TMTC2: variants seen among roughly 807,000 people sequenced by gnomAD.
TMTC2 encodes the protein transmembrane O-mannosyltransferase targeting cadherins 2.
TMTC2 carries 43 observed loss-of-function variants against 82.4 expected under a neutral mutation model. The ratio of observed to expected loss-of-function variants is 0.52; its 90% CI spans 0.41 to 0.67. The LOEUF is 0.67. Ranked by LOEUF, TMTC2 falls within the 30% of genes least tolerant of loss-of-function variation. The probability of loss-of-function intolerance (pLI) is 0.00; values close to 1 mark genes in which losing one functional copy is unlikely to be tolerated. For synonymous variants in TMTC2, 408 were observed against 381.9 expected, an observed-to-expected ratio of 1.07 and a Z score of -0.80; for missense variants, 919 against 1,012.4, an observed-to-expected ratio of 0.91 and a Z score of 1.25.
At chr12:82,877,146 T>C (rs1410325930) in intron 2 of TMTC2, among the ~76,000 whole-genome samples, 1 of 152,180 alleles carries the variant, frequency 6.6e-6, no homozygotes, top group Non-Finnish European at 1.5e-5. Context: ...AAAGATATAT[T>C]AGTCCATTTT....
intron 3 of TMTC2, among the ~76,000 whole-genome samples, chr12:82,929,639 G>A (rs1241473335): frequency 6.6e-6 from 1 of 152,036 alleles, no homozygotes; most frequent in Non-Finnish European, 1.5e-5. Flanking sequence ...TTTGCTGGGG[G>A]ACTCTGCTTT....
intron 1 of TMTC2, among the ~76,000 whole-genome samples, chr12:82,732,874 A>G (rs1338323665): frequency 6.6e-6 from 1 of 152,204 alleles, no homozygotes; most frequent in African/African-American, 2.4e-5. Context: ...CTTAGATGCT[A>G]TCCAAATAAG....
At chr12:82,714,664 T>C (rs1392378706) in intron 1 of TMTC2, among the ~76,000 whole-genome samples, 1 of 152,178 alleles carries the variant, frequency 6.6e-6, no homozygotes, top group Non-Finnish European at 1.5e-5. Context: ...CTTCGCTTCC[T>C]CTCTTCCTGC....
intron 3 of TMTC2, among the ~76,000 whole-genome samples, chr12:82,914,620 A>G (rs1444799319): frequency 1.3e-5 from 2 of 152,126 alleles, no homozygotes; most frequent in East Asian, 3.9e-4. Flanking sequence ...GATTCTCAGT[A>G]GCATGAGCAT....
At chr12:82,955,815 G>A (rs992325843) in intron 4 of TMTC2, among the ~76,000 whole-genome samples, 1 of 151,928 alleles carries the variant, frequency 6.6e-6, no homozygotes, top group Non-Finnish European at 1.5e-5. Flanking sequence ...ATCATTAGAG[G>A]AGAAATCTGA....
At chr12:83,020,315 A>G (rs1463973047) in intron 8 of TMTC2, among the ~76,000 whole-genome samples, 1 of 152,198 alleles carries the variant, frequency 6.6e-6, no homozygotes, top group African/African-American at 2.4e-5. Context: ...AAAGGAATCA[A>G]TGAATACATT....
intron 11 of TMTC2, among the ~76,000 whole-genome samples, chr12:83,089,450 CTAT>C (rs1223348530): frequency 2.0e-5 from 3 of 152,070 alleles, no homozygotes; most frequent in Admixed American, 6.6e-5. Flanking sequence ...GCTACTATGG[CTAT>C]TATTAGTTTT....
At chr12:83,025,084 C>G (rs1049439813) in intron 8 of TMTC2, among the ~76,000 whole-genome samples, 1 of 151,992 alleles carries the variant, frequency 6.6e-6, no homozygotes, top group Non-Finnish European at 1.5e-5. Context: ...GACAGCTTCT[C>G]TGGAGGCTGA....
intron 8 of TMTC2, 87 bp downstream of exon 8, chr12:82,986,133 A>C: frequency 6.4e-7 from 1 of 1,569,246 alleles, no homozygotes; most frequent in Non-Finnish European, 8.7e-7. Context: ...TTTTACAGCC[A>C]GTTATCTAAG....
At chr12:82,810,345 T>A (rs1447311024) in intron 1 of TMTC2, among the ~76,000 whole-genome samples, 1 of 151,622 alleles carries the variant, frequency 6.6e-6, no homozygotes, top group Non-Finnish European at 1.5e-5. Flanking sequence ...CAGTGTTTAT[T>A]TGAATTCCAC....
rs528633852 is a variant in TMTC2 at position 82,730,809 on chromosome 12, A to G, written c.83+43140A>G. Among the ~76,000 whole-genome samples the G allele has an allele frequency of 2.0e-5, 3 of 152,338 alleles. No homozygotes were observed. The South Asian group carries it at 6.2e-4, about 32-fold the overall frequency. ...CCTTTCGAATTCCAATGGACACACT[A>G]GCAAGGTAGGATCTACTTAGAAATT... is the stretch of plus-strand genomic sequence containing the variant. On this transcript the variant is annotated intron_variant, in intron 1 of 11. Transcript: ENST00000321196.
At chr12:82,993,340 A>T (rs1879478073) in intron 8 of TMTC2, among the ~76,000 whole-genome samples, 1 of 151,582 alleles carries the variant, frequency 6.6e-6, no homozygotes, top group African/African-American at 2.4e-5. Context: ...GAACAACACA[A>T]GTTTGAACTG....
At chr12:83,049,555 T>G (rs942578159) in intron 9 of TMTC2, among the ~76,000 whole-genome samples, 3 of 152,170 alleles carry the variant, frequency 2.0e-5, no homozygotes, top group African/African-American at 7.2e-5. Flanking sequence ...TCTTTATCCA[T>G]TCTACCATTG....
At chr12:83,020,809 T>G (rs1880884568) in intron 8 of TMTC2, among the ~76,000 whole-genome samples, 1 of 152,176 alleles carries the variant, frequency 6.6e-6, no homozygotes, top group Non-Finnish European at 1.5e-5. Context: ...TGAACAGATG[T>G]AGAAAGGAAA....
At chr12:83,011,094 CAA>C (rs1338841038) in intron 8 of TMTC2, among the ~76,000 whole-genome samples, 1 of 152,192 alleles carries the variant, frequency 6.6e-6, no homozygotes, top group Non-Finnish European at 1.5e-5. Context: ...GTCGGCATCC[CAA>C]AGTGTTGGGA....
intron 1 of TMTC2, among the ~76,000 whole-genome samples, chr12:82,856,033 A>T (rs890746226): frequency 6.6e-6 from 1 of 152,214 alleles, no homozygotes; most frequent in Non-Finnish European, 1.5e-5. Flanking sequence ...GCCAGTTATT[A>T]ATTAATCTTT....
chr12:82,730,926 G>A (rs1392281540), intron 1 of TMTC2, among the ~76,000 whole-genome samples: 6 of 152,190 alleles, frequency 3.9e-5, no homozygotes, highest in Non-Finnish European at 1.5e-5. Flanking sequence ...TGATTAATGT[G>A]TTTGCACATG....
rs754890961 is a variant in TMTC2, at chr12:83,030,873, C to T, written c.2146C>T (p.His716Tyr). The change falls in exon 9 of 12, where the codon CAT becomes TAT. Residue 716 changes from histidine (H) to tyrosine (Y), a missense_variant. By Grantham distance (83) the His-to-Tyr change is moderately conservative (BLOSUM62 2). Transcript: ENST00000321196. Reference sequence around the variant, plus strand: ...TCCCACCAAAGGAAACTGTTACATGCATTATGGTGAGTGGTTGATAGTTTT... The same window carrying T: ...TCCCACCAAAGGAAACTGTTACATGTATTATGGTGAGTGGTTGATAGTTTT... ...LDPTKGNCYM[H>Y]YGQFLLEEAR... 2.5e-6 allele frequency: 4 copies of T among 1,611,524 alleles called. No homozygotes were observed.
intron 7 of TMTC2, among the ~76,000 whole-genome samples, chr12:82,981,745 G>C (rs1006883742): frequency 6.6e-6 from 1 of 151,610 alleles, no homozygotes; most frequent in Non-Finnish European, 1.5e-5. Context: ...AAGTGTCTTC[G>C]TTTCCTTCCT....
Sources: gnomAD v4.1 joint callset for allele counts (sites outside exome capture counted in the v4.1 genomes callset) on GRCh38, gnomAD v4.1.1 for gene constraint, MANE v1.5 for transcripts, NCBI Gene and HGNC (gene_info 2026-07-23, HGNC 2026-07-21) for gene names.